PARM1: variants seen among roughly 807,000 people sequenced by gnomAD.
PARM1 encodes the protein WSC4, cell wall integrity and stress response component 4 homolog.
In PARM1, 14 loss-of-function variants were observed where a neutral mutation model predicts 24.6. The observed-to-expected ratio is 0.57, with a 90% confidence interval of 0.38 to 0.89. The LOEUF (loss-of-function observed/expected upper bound fraction) is 0.89. Ranked by LOEUF, PARM1 falls within the 40% of genes least tolerant of loss-of-function variation. The probability of loss-of-function intolerance (pLI) is 0.00; values close to 1 mark genes in which losing one functional copy is unlikely to be tolerated. For missense variants in PARM1, 362 were observed against 380.4 expected (o/e 0.95, Z 0.40); for synonymous variants, 179 against 156.6 (o/e 1.14, Z -1.07).
intron 2 of PARM1, among the ~76,000 whole-genome samples, chr4:75,022,147 T>C (rs1723099574): frequency 6.6e-6 from 1 of 152,216 alleles, no homozygotes; most frequent in African/African-American, 2.4e-5. Flanking sequence ...TAATAGCCAT[T>C]CTGACTGGTG....
chr4:74,933,438 G>A (rs1313006734), intron 1 of PARM1, 68 bp downstream of exon 1: 3 of 1,414,474 alleles, frequency 2.1e-6, no homozygotes, highest in African/African-American at 2.8e-5. Context: ...GCGTGGTCGG[G>A]GCTGAAGCTA....
chr4:75,010,543 A>T (rs184954639), intron 1 of PARM1, among the ~76,000 whole-genome samples: 58 of 152,288 alleles, frequency 3.8e-4, no homozygotes, highest in East Asian at 2.9e-3. Flanking sequence ...ATTAAAAAAA[A>T]TTTTTTTAAA....
intron 1 of PARM1, among the ~76,000 whole-genome samples, chr4:74,994,524 G>A (rs193218358): frequency 6.6e-6 from 1 of 152,168 alleles, no homozygotes; most frequent in Admixed American, 6.5e-5. Flanking sequence ...AAAAAACAAT[G>A]CTGGCCAGGC....
chr4:75,049,847 G>C lies in PARM1; in HGVS notation c.*3600G>C, dbSNP rs1005840093. 1 of 143,260 alleles carries C rather than the reference G, an allele frequency of 7.0e-6. No individual in the cohort carries two copies. Among genetic ancestry groups the C allele is most frequent in the Non-Finnish European group, 1.5e-5 (1 of 66,292 alleles). The allele number at this position is 143,260 out of a possible 1,614,324, so 8.9% of individuals were successfully genotyped here. ...ATTTGCACGTTGATTCACCTTCTTT[G>C]CCTTTAAGCCTTTTTTTTCTTTTTT... On this transcript the variant is annotated 3_prime_UTR_variant, in exon 4 of 4. Coordinates refer to ENST00000307428, the MANE Select transcript of PARM1 (RefSeq NM_015393.4).
At chr4:75,006,599 A>C (rs1211918289) in intron 1 of PARM1, among the ~76,000 whole-genome samples, 1 of 152,180 alleles carries the variant, frequency 6.6e-6, no homozygotes, top group Non-Finnish European at 1.5e-5. Flanking sequence ...GCCACAATAA[A>C]TATACATGTG....
chr4:74,950,587 T>G (rs1199175052), intron 1 of PARM1, among the ~76,000 whole-genome samples: 1 of 152,218 alleles, frequency 6.6e-6, no homozygotes, highest in Non-Finnish European at 1.5e-5. Context: ...TCAGCTTATC[T>G]TTTTGGGGAA....
intron 1 of PARM1, among the ~76,000 whole-genome samples, chr4:74,999,894 C>G (rs879434470): frequency 5.9e-5 from 9 of 152,074 alleles, no homozygotes; most frequent in Non-Finnish European, 1.5e-5. Context: ...GAAAACTGCC[C>G]CAGAAGTTTC....
At chr4:74,944,481 G>C (rs527615417) in intron 1 of PARM1, among the ~76,000 whole-genome samples, 1 of 152,120 alleles carries the variant, frequency 6.6e-6, no homozygotes, top group East Asian at 1.9e-4. Context: ...TGTGCTGGAG[G>C]CCCAGCAGAG....
chr4:74,957,091 G>A (rs1228332033), intron 1 of PARM1: 1 of 152,194 alleles, frequency 6.6e-6, no homozygotes. Context: ...CAAGGGAAGA[G>A]GGAACTCACA....
chr4:74,961,662 C>A (rs901279190), intron 1 of PARM1, among the ~76,000 whole-genome samples: 1 of 152,108 alleles, frequency 6.6e-6, no homozygotes, highest in Non-Finnish European at 1.5e-5. Context: ...CTGATATATA[C>A]AAAGTGCTGA....
intron 2 of PARM1, among the ~76,000 whole-genome samples, chr4:75,024,832 G>A (rs1338811262): frequency 6.6e-6 from 1 of 152,120 alleles, no homozygotes; most frequent in African/African-American, 2.4e-5. Flanking sequence ...CTGAATAGCT[G>A]GAATTACAGG....
chr4:74,950,673 A>C (rs1466639957), intron 1 of PARM1, among the ~76,000 whole-genome samples: 11 of 152,212 alleles, frequency 7.2e-5, no homozygotes, highest in Non-Finnish European at 1.3e-4. Flanking sequence ...CCACAGATAA[A>C]ATAAGTTATG....
intron 1 of PARM1, among the ~76,000 whole-genome samples, chr4:74,934,816 G>C (rs1448891696): frequency 6.6e-6 from 1 of 152,170 alleles, no homozygotes; most frequent in Non-Finnish European, 1.5e-5. Flanking sequence ...TTTTCTTGAG[G>C]TTCAGAAACC....
intron 2 of PARM1, among the ~76,000 whole-genome samples, chr4:75,021,012 C>T (rs1348299330): frequency 1.3e-5 from 2 of 152,124 alleles, no homozygotes; most frequent in African/African-American, 4.8e-5. Context: ...GTCTTCACTG[C>T]TTTTAAAGTA....
At chr4:75,015,809 C>T (rs1722973942) in intron 2 of PARM1, among the ~76,000 whole-genome samples, 1 of 152,170 alleles carries the variant, frequency 6.6e-6, no homozygotes, top group African/African-American at 2.4e-5. Flanking sequence ...AGCTCTAAGC[C>T]AAGTCAAGTC....
chr4:75,003,900 A>G (rs1722726371), intron 1 of PARM1, among the ~76,000 whole-genome samples: 1 of 152,046 alleles, frequency 6.6e-6, no homozygotes, highest in South Asian at 2.1e-4. Context: ...TCTCTCTCTT[A>G]AATACCTGCT....
rs367583901 is a variant in PARM1 at position 75,000,668 on chromosome 4, C to G, written c.44-11757C>G. ...CCATCAATCTCATTTCACAGAACTG[C>G]GGCACATAGATGCCCTTAGTTGCAA... On this transcript the variant is annotated intron_variant, in intron 1 of 3. Transcript: ENST00000307428. 3.3e-3 allele frequency among the ~76,000 whole-genome samples: 508 copies of G among 152,284 alleles called. 5 individuals carry two copies. Among genetic ancestry groups the G allele is most frequent in the African/African-American group, 0.011 (473 of 41,554 alleles).
rs1243103003 is a variant in PARM1, at chr4:75,013,161, A to G, written c.769+11A>G. On this transcript the variant is annotated intron_variant, in intron 2 of 3. Transcript: ENST00000307428. The stretch of plus-strand genomic sequence containing the variant: ...ATGCATTAAGTTCAGGTGAGTCTCT[A>G]TCCAGTCCACTAGTTTTCTTTACTA... The G allele has an allele frequency of 1.9e-6, 3 of 1,602,360 alleles. No individual in the cohort carries two copies.
intron 1 of PARM1, among the ~76,000 whole-genome samples, chr4:74,984,894 T>C (rs1048280595): frequency 6.6e-6 from 1 of 152,196 alleles, no homozygotes; most frequent in Non-Finnish European, 1.5e-5. Flanking sequence ...GCTTAAAACA[T>C]TTACCTTCTG....
Sources: gnomAD v4.1 joint callset for allele counts (sites outside exome capture counted in the v4.1 genomes callset) on GRCh38, gnomAD v4.1.1 for gene constraint, MANE v1.5 for transcripts, NCBI Gene and HGNC (gene_info 2026-07-23, HGNC 2026-07-21) for gene names.